ABCB1: variants seen among roughly 807,000 people sequenced by gnomAD.
ABCB1 encodes the protein ATP binding cassette subfamily B member 1, also known as ATP-dependent translocase ABCB1.
Under a neutral mutation model 142.0 loss-of-function variants are expected in ABCB1, and 69 were observed. The observed-to-expected ratio is 0.49, with a 90% CI of 0.40 to 0.59. The LOEUF (loss-of-function observed/expected upper bound fraction) is 0.59, where lower values mean the gene tolerates loss of function less well. Among genes scored for constraint, ABCB1 ranks in the 20% least tolerant of loss-of-function variants. The pLI, the probability that ABCB1 is intolerant of heterozygous loss-of-function variation, is 0.00. For synonymous variants in ABCB1, 532 were observed against 539.2 expected (o/e 0.99, Z 0.18); for missense variants, 1,326 against 1,554.7 (o/e 0.85, Z 2.47).
intron 1 of ABCB1, among the ~76,000 whole-genome samples, chr7:87,656,600 A>T (rs748545165): frequency 1.6e-4 from 24 of 152,106 alleles, no homozygotes; most frequent in Non-Finnish European, 3.2e-4. Context: ...AAATAGAATA[A>T]AGAAGAGAAA....
At chr7:87,647,980 C>G (rs919922286) in intron 1 of ABCB1, among the ~76,000 whole-genome samples, 1 of 151,878 alleles carries the variant, frequency 6.6e-6, no homozygotes, top group Non-Finnish European at 1.5e-5. Context: ...GTCAAGAAAT[C>G]GAGACCATCC....
Position 87,544,834 on chromosome 7 carries a change from T to G in ABCB1, c.2053A>C (p.Lys685Gln). Residue 685 changes from lysine to glutamine, a missense_variant, in exon 16 of 28, where the codon AAA becomes CAA. Transcript: ENST00000622132. ...SQAQDRKLST[K>Q]EALDESIPPV... The stretch of plus-strand genomic sequence containing the variant: ...ATCTCCCTTCATACCAGAGCCTCTT[T>G]GGTACTAAGCTTTCTGTCTTGGGCT... The G allele has an allele frequency of 6.2e-7, 1 of 1,614,080 alleles. No homozygotes were observed. Among genetic ancestry groups the G allele is most frequent in the East Asian group, 2.2e-5 (1 of 44,868 alleles).
intron 7 of ABCB1, among the ~76,000 whole-genome samples, chr7:87,562,157 A>G (rs1308842776): frequency 6.6e-6 from 1 of 152,248 alleles, no homozygotes; most frequent in East Asian, 1.9e-4. Flanking sequence ...GGGTTTTGAC[A>G]GTGGATTTCT....
chr7:87,680,900 A>G (rs1187215476), intron 1 of ABCB1, among the ~76,000 whole-genome samples: 1 of 150,848 alleles, frequency 6.6e-6, no homozygotes, highest in East Asian at 2.0e-4. Context: ...GCAGAAATCA[A>G]TGAAATTAAA....
At chr7:87,647,222 C>A (rs533335599) in intron 1 of ABCB1, among the ~76,000 whole-genome samples, 2 of 152,294 alleles carry the variant, frequency 1.3e-5, no homozygotes, top group East Asian at 3.9e-4. Flanking sequence ...CAGATGCTTT[C>A]AGAGGTCCAC....
intron 1 of ABCB1, among the ~76,000 whole-genome samples, chr7:87,647,651 G>A (rs754916041): frequency 3.1e-4 from 47 of 152,074 alleles, no homozygotes; most frequent in Non-Finnish European, 5.0e-4. Flanking sequence ...CTACAATAAC[G>A]TGGTTTCAAT....
At chr7:87,556,379 C>T (rs1010935211) in intron 8 of ABCB1, among the ~76,000 whole-genome samples, 7 of 152,090 alleles carry the variant, frequency 4.6e-5, no homozygotes, top group East Asian at 1.9e-4. Context: ...CTATTCTATA[C>T]GATTGAATGG....
chr7:87,609,450 A>G (rs1819774896), intron 1 of ABCB1, among the ~76,000 whole-genome samples: 1 of 152,162 alleles, frequency 6.6e-6, no homozygotes, highest in Non-Finnish European at 1.5e-5. Context: ...TGAAATGCCA[A>G]AGAACTTGAC....
At chr7:87,558,305 A>C (rs1308749980) in intron 8 of ABCB1, among the ~76,000 whole-genome samples, 4 of 152,338 alleles carry the variant, frequency 2.6e-5, no homozygotes, top group Non-Finnish European at 4.4e-5. Flanking sequence ...TGATGGATTC[A>C]TTCTGAATGG....
At chr7:87,566,008 T>C (rs1434799297) in intron 7 of ABCB1, 62 bp downstream of exon 7, 2 of 1,570,412 alleles carry the variant, frequency 1.3e-6, no homozygotes, top group Non-Finnish European at 1.8e-6. Flanking sequence ...GACCTTTCCG[T>C]AGGGTGAGAG....
intron 27 of ABCB1, among the ~76,000 whole-genome samples, chr7:87,504,817 A>AT (rs1197245580): frequency 1.3e-5 from 2 of 151,438 alleles, no homozygotes; most frequent in Admixed American, 6.6e-5. Context: ...AGAAAAAAAA[A>AT]AAAAAAAGCT....
chr7:87,522,602 C>G (rs1815563402), intron 21 of ABCB1, among the ~76,000 whole-genome samples: 1 of 152,098 alleles, frequency 6.6e-6, no homozygotes, highest in Non-Finnish European at 1.5e-5. Context: ...ATATTTGTGA[C>G]TAATTGTGTA....
In ABCB1 at chr7:87,549,445, C is replaced by G. The variant is rs1374940464; in HGVS notation, c.1628G>C (p.Arg543Pro). 1.9e-6 allele frequency: 3 copies of G among 1,614,192 alleles called. No homozygotes were observed. Residue 543 changes from arginine to proline, a missense_variant, in exon 14 of 28, where the codon CGT (arginine) becomes CCT (proline). Coordinates refer to ENST00000622132, the MANE Select transcript of ABCB1 (RefSeq NM_001348946.2). ...GGQKQRIAIARALVRNPKILL... is the reference protein window; with the variant it reads ...GGQKQRIAIAPALVRNPKILL... ...GATCTTGGGGTTGCGAACCAGGGCA[C>G]GTGCAATGGCGATCCTCTGCTTCTG...
At chr7:87,517,214 G>C (rs1001197529) in intron 23 of ABCB1, among the ~76,000 whole-genome samples, 4 of 151,996 alleles carry the variant, frequency 2.6e-5, no homozygotes, top group African/African-American at 9.7e-5. Flanking sequence ...CTTGCACTGT[G>C]ACCTTTGCAG....
intron 21 of ABCB1, chr7:87,521,877 C>A (rs571108171): frequency 1.7e-5 from 13 of 772,572 alleles, no homozygotes; most frequent in Non-Finnish European, 3.0e-5. Context: ...TCATGACTGA[C>A]CAAGGCAGTG....
chr7:87,586,551 G>C (rs1411812945), intron 3 of ABCB1, among the ~76,000 whole-genome samples: 1 of 152,172 alleles, frequency 6.6e-6, no homozygotes, highest in African/African-American at 2.4e-5. Context: ...GTGGATGCAA[G>C]GTGTAGCTGT....
chr7:87,568,540 C>A lies in ABCB1; in HGVS notation c.339-1564G>T, dbSNP rs536143221. On this transcript the variant is annotated intron_variant, in intron 5 of 27. Coordinates refer to ENST00000622132, the MANE Select transcript of ABCB1 (RefSeq NM_001348946.2). ...CTTTTTAAACTTCACTACTTACCAT[C>A]TTCAAATTAAACTGTGTGTTTGAAT... 8.5e-5 allele frequency among the ~76,000 whole-genome samples: 13 copies of A among 152,282 alleles called. No homozygotes were observed. The South Asian group carries it at 2.7e-3, about 32-fold the overall frequency.
intron 1 of ABCB1, among the ~76,000 whole-genome samples, chr7:87,673,196 T>C (rs1355374406): frequency 6.6e-6 from 1 of 152,242 alleles, no homozygotes; most frequent in Non-Finnish European, 1.5e-5. Flanking sequence ...ATATATGTCT[T>C]AGGGAATGGT....
intron 21 of ABCB1, among the ~76,000 whole-genome samples, chr7:87,528,160 G>A (rs137938301): frequency 2.0e-5 from 3 of 152,272 alleles, no homozygotes; most frequent in Non-Finnish European, 2.9e-5. Flanking sequence ...CCCATAACAT[G>A]TGAAGATTAT....
Sources: gnomAD v4.1 joint callset for allele counts (sites outside exome capture counted in the v4.1 genomes callset) on GRCh38, gnomAD v4.1.1 for gene constraint, MANE v1.5 for transcripts, NCBI Gene and HGNC (gene_info 2026-07-23, HGNC 2026-07-21) for gene names.